PCDHGA2: variants seen among roughly 807,000 people sequenced by gnomAD.
PCDHGA2 encodes protocadherin gamma subfamily A, 2.
Under a neutral mutation model 59.2 loss-of-function variants are expected in PCDHGA2, and 40 were observed. The observed-to-expected ratio is 0.68, with a 90% CI of 0.52 to 0.88. PCDHGA2 has a LOEUF of 0.88. Among genes scored for constraint, PCDHGA2 ranks in the 40% least tolerant of loss-of-function variants. The probability of loss-of-function intolerance (pLI) is 0.00; values close to 1 mark genes in which losing one functional copy is unlikely to be tolerated. For synonymous variants in PCDHGA2, 560 were observed against 526.0 expected (o/e 1.06, Z -0.89); for missense variants, 1,226 against 1,204.0 (o/e 1.02, Z -0.27).
chr5:141,485,380 G>A lies in PCDHGA2; in HGVS notation c.2425-9427G>A. The A allele has an allele frequency of 1.9e-6, 3 of 1,614,146 alleles. No individual in the cohort carries two copies. The highest frequency in any genetic ancestry group is 2.5e-6 in the Non-Finnish European group (3 of 1,180,032). On this transcript the variant is annotated intron_variant, in intron 1 of 3. Coordinates refer to ENST00000394576, the MANE Select transcript of PCDHGA2 (RefSeq NM_018915.4). This position sits in a 1 kb window ranked among gnomAD's most constrained non-coding sequence, Gnocchi z 5.7. ...CTCGCAGGCTGCAGGTCGCTGGAGA[G>A]GTGAACCAAAGACACTTCCGTGTGG... is the stretch of plus-strand genomic sequence containing the variant.
At chr5:141,355,299 C>G (rs537879124) in intron 1 of PCDHGA2, 2 of 1,613,922 alleles carry the variant, frequency 1.2e-6, no homozygotes, top group Non-Finnish European at 1.7e-6. Flanking sequence ...AGATTCTCTA[C>G]TCGGTGTTTG....
At chr5:141,371,238 A>G in intron 1 of PCDHGA2, 1 of 1,614,058 alleles carries the variant, frequency 6.2e-7, no homozygotes, top group Non-Finnish European at 8.5e-7. Flanking sequence ...CTATGCCTTC[A>G]TCAATATTGG....
intron 1 of PCDHGA2, among the ~76,000 whole-genome samples, chr5:141,443,859 GAA>G (rs2098408229): frequency 6.6e-6 from 1 of 152,104 alleles, no homozygotes; most frequent in Non-Finnish European, 1.5e-5. Context: ...TCTGAAAACT[GAA>G]AAAATTACTG....
intron 1 of PCDHGA2, chr5:141,360,067 T>C: frequency 1.4e-6 from 2 of 1,466,818 alleles, no homozygotes; most frequent in Non-Finnish European, 1.8e-6. Flanking sequence ...AAAGTGACCT[T>C]AGCCCGGATT....
chr5:141,390,556 CAGTTGTTGG>C, intron 1 of PCDHGA2: 2 of 454,162 alleles, frequency 4.4e-6, no homozygotes, highest in Admixed American at 3.9e-5. Flanking sequence ...AAGTGTTAGA[CAGTTGTTGG>C]CTCTCTCCTA....
At position 141,412,973 on chromosome 5, in the gene PCDHGA2, C is replaced by A. The variant is rs2095594108; in HGVS notation, c.2424+71578C>A. 14 of 528,318 alleles carry A rather than the reference C, an allele frequency of 2.6e-5. No individual in the cohort carries two copies. In the South Asian group the frequency reaches 3.3e-4, roughly 12 times the overall value. The allele number at this position is 528,318 out of a possible 1,614,324, so 32.7% of individuals were successfully genotyped here. A position where few individuals can be genotyped will look rare whatever the true frequency, so the allele number is the denominator to read the frequency against. Reference sequence around the variant, plus strand: ...GCTGTTCACCTACTAGGAGAGAAAACGCAGCCAGAGCTCAATCCGGATTCT... The same window carrying A: ...GCTGTTCACCTACTAGGAGAGAAAAAGCAGCCAGAGCTCAATCCGGATTCT... On this transcript the variant is annotated intron_variant, in intron 1 of 3. Transcript: ENST00000394576.
intron 2 of PCDHGA2, among the ~76,000 whole-genome samples, chr5:141,504,059 T>C (rs1179226175): frequency 6.6e-6 from 1 of 152,184 alleles, no homozygotes; most frequent in Admixed American, 6.6e-5. Flanking sequence ...ATTGAAAAAC[T>C]TCTCTGAGCC....
chr5:141,414,435 C>T lies in PCDHGA2; in HGVS notation c.2424+73040C>T, dbSNP rs891322256. 4.3e-6 allele frequency: 7 copies of T among 1,613,678 alleles called. No homozygotes were observed. In the African/African-American group the frequency reaches 8.0e-5, roughly 18 times the overall value. On this transcript the variant is annotated intron_variant, in intron 1 of 3. Coordinates refer to ENST00000394576, the MANE Select transcript of PCDHGA2 (RefSeq NM_018915.4). ...GAGCCCTTGACAGGGAACAGGTATC[C>T]TCTTACAATATCACAGTGACAGCCA...
At chr5:141,479,953 CAGTT>C (rs1198160373) in intron 1 of PCDHGA2, among the ~76,000 whole-genome samples, 1 of 152,182 alleles carries the variant, frequency 6.6e-6, no homozygotes, top group African/African-American at 2.4e-5. Flanking sequence ...TTGGATTTGG[CAGTT>C]AGTCAAATGA....
Position 141,487,125 on chromosome 5 carries a change from G to A in PCDHGA2, c.2425-7682G>A. 6.2e-7 allele frequency: 1 copy of A among 1,614,112 alleles called. No homozygotes were observed. The highest frequency in any genetic ancestry group is 8.5e-7 in the Non-Finnish European group (1 of 1,179,994). The stretch of plus-strand genomic sequence containing the variant: ...CTGGTCATTGTGGTAAAGGATAGTG[G>A]TAGTCCACCACTCTCTACCTCTGTT... On this transcript the variant is annotated intron_variant, in intron 1 of 3. Coordinates refer to ENST00000394576, the MANE Select transcript of PCDHGA2 (RefSeq NM_018915.4). This position sits in a 1 kb window ranked among gnomAD's most constrained non-coding sequence, Gnocchi z 5.0.
chr5:141,350,635 C>A (rs1452091095), intron 1 of PCDHGA2: 2 of 1,614,020 alleles, frequency 1.2e-6, no homozygotes, highest in Non-Finnish European at 1.7e-6. Context: ...ATATTAATGA[C>A]AATGCACCAC....
chr5:141,426,090 T>G (rs545457395), intron 1 of PCDHGA2, among the ~76,000 whole-genome samples: 1 of 152,246 alleles, frequency 6.6e-6, no homozygotes, highest in African/African-American at 2.4e-5. Context: ...CAGGACGATA[T>G]TCTGTTCAGT....
rs776293224 is a variant in PCDHGA2, at chr5:141,477,889, A to G, written c.2425-16918A>G. Reference sequence around the variant, plus strand: ...GTACCTCAGCTGGCCACCTAGTGTCACGGGTGGTAGGCTGGGACGCGGATG... The same window carrying G: ...GTACCTCAGCTGGCCACCTAGTGTCGCGGGTGGTAGGCTGGGACGCGGATG... On this transcript the variant is annotated intron_variant, in intron 1 of 3. Coordinates refer to ENST00000394576, the MANE Select transcript of PCDHGA2 (RefSeq NM_018915.4). This position sits in a 1 kb window ranked among gnomAD's most constrained non-coding sequence, Gnocchi z 4.9. The G allele has an allele frequency of 1.8e-5, 29 of 1,614,034 alleles. No individual in the cohort carries two copies. Among genetic ancestry groups the G allele is most frequent in the Non-Finnish European group, 2.5e-5 (29 of 1,180,026 alleles).
At chr5:141,401,756 A>G (rs560146125) in intron 1 of PCDHGA2, among the ~76,000 whole-genome samples, 2 of 152,332 alleles carry the variant, frequency 1.3e-5, no homozygotes, top group African/African-American at 4.8e-5. Context: ...CTCCCATTAC[A>G]TGGTATAAGT....
chr5:141,343,313 G>C (rs568916590), intron 1 of PCDHGA2: 1 of 975,782 alleles, frequency 1.0e-6, no homozygotes, highest in Admixed American at 6.2e-5. Context: ...GCTGATTTCT[G>C]TGTGTTTCTT....
chr5:141,465,968 A>G (rs2099113507), intron 1 of PCDHGA2, among the ~76,000 whole-genome samples: 3 of 151,940 alleles, frequency 2.0e-5, no homozygotes, highest in Admixed American at 6.6e-5. Flanking sequence ...TAAAAATACA[A>G]AAAATTAGCC....
intron 1 of PCDHGA2, among the ~76,000 whole-genome samples, chr5:141,429,660 ATATAT>A (rs1388009014): frequency 1.3e-5 from 2 of 152,336 alleles, no homozygotes; most frequent in African/African-American, 4.8e-5. Flanking sequence ...CCAATTTAAA[ATATAT>A]TATTTTATTT....
intron 1 of PCDHGA2, among the ~76,000 whole-genome samples, chr5:141,481,443 C>T (rs971405190): frequency 1.3e-5 from 2 of 152,174 alleles, no homozygotes; most frequent in African/African-American, 4.8e-5. Flanking sequence ...CAGTTTAGTA[C>T]ATGTAAATAC....
chr5:141,366,108 C>A (rs1179892338), intron 1 of PCDHGA2: 1 of 1,614,222 alleles, frequency 6.2e-7, no homozygotes, highest in South Asian at 1.1e-5. Flanking sequence ...AAGGTGGTAG[C>A]GGTGGACAAA....
Sources: allele counts gnomAD v4.1 joint callset (sites outside exome capture counted in the v4.1 genomes callset), GRCh38; gene constraint gnomAD v4.1.1; non-coding constraint Gnocchi (gnomAD v3.1); transcripts MANE v1.5; gene names NCBI Gene and HGNC (gene_info 2026-07-23, HGNC 2026-07-21).